Variants in CALD1 observed in about 807,000 individuals in gnomAD.
The protein encoded by CALD1 is caldesmon 1.
In CALD1, 33 loss-of-function variants were observed where a neutral mutation model predicts 99.9. The ratio of observed to expected loss-of-function variants is 0.33; its 90% CI spans 0.25 to 0.44. The LOEUF (loss-of-function observed/expected upper bound fraction) is 0.44. Among genes scored for constraint, CALD1 ranks in the 20% least tolerant of loss-of-function variants. The pLI, the probability that CALD1 is intolerant of heterozygous loss-of-function variation, is 1.00. For missense variants in CALD1, 861 were observed against 962.1 expected (o/e 0.89, Z 1.39); for synonymous variants, 310 against 325.0 (o/e 0.95, Z 0.50).
At chr7:134,867,503 A>C (rs1409799086) in intron 2 of CALD1, among the ~76,000 whole-genome samples, 190 bp from the exon 3 acceptor site, 2 of 152,202 alleles carry the variant, frequency 1.3e-5, no homozygotes, top group Non-Finnish European at 2.9e-5. Context: ...ATTTGTCTCT[A>C]GGAGATTCAT....
In CALD1 at chr7:134,934,019, G is replaced by A; in HGVS notation, c.1250G>A (p.Trp417Ter). 1 of 1,613,154 alleles carries A rather than the reference G, an allele frequency of 6.2e-7. No homozygotes were observed. The highest frequency in any genetic ancestry group is 2.2e-5 in the East Asian group (1 of 44,870). ...GTAGAACAGAAAATAGAAGGGAAAT[G>A]GGTAAATGAAAAGAAAGCACAAGAA... is the stretch of plus-strand genomic sequence containing the variant. Reference protein sequence around the residue: ...EKVEQKIEGKWVNEKKAQEDK... With the variant: ...EKVEQKIEGK The change falls in exon 5 of 15, where the codon TGG becomes TAG. Residue 417 changes from tryptophan to a stop codon, truncating the protein, a stop_gained. Transcript: ENST00000361675. LOFTEE classifies it high-confidence loss of function.
Position 134,958,199 on chromosome 7 carries a change from AC to A in CALD1, c.1980-9del. ...CTCATATTTTTATATGTATGTGTTT[AC>A]TTTTTTAGCAGTGGTGTCAAATCGA... On this transcript the variant is annotated splice_polypyrimidine_tract_variant and intron_variant, in intron 10 of 14. Coordinates refer to ENST00000361675, the MANE Select transcript of CALD1 (RefSeq NM_033138.4). The A allele has an allele frequency of 6.2e-7, 1 of 1,613,604 alleles. No homozygotes were observed. Among genetic ancestry groups the A allele is most frequent in the Non-Finnish European group, 8.5e-7 (1 of 1,179,600 alleles).
intron 1 of CALD1, among the ~76,000 whole-genome samples, chr7:134,817,160 G>A (rs2131974169): frequency 6.6e-6 from 1 of 152,120 alleles, no homozygotes; most frequent in Middle Eastern, 3.4e-3. Context: ...TGCAAGGTAG[G>A]CAAGCTTGCT....
chr7:134,965,552 A>G, intron 14 of CALD1, 166 bp downstream of exon 14: 1 of 533,556 alleles, frequency 1.9e-6, no homozygotes, highest in East Asian at 3.1e-5. Flanking sequence ...TGAAAAGCGC[A>G]TTGCAAGTTT....
In CALD1 at chr7:134,933,643, C is replaced by A. The variant is rs142006920; in HGVS notation, c.874C>A (p.Arg292=). Residue 292 remains arginine, a synonymous_variant, in exon 5 of 15, where the codon CGA becomes AGA. Coordinates refer to ENST00000361675, the MANE Select transcript of CALD1 (RefSeq NM_033138.4). ...GCAAGACAAAAAGATAGCAGATGAACGAGCAAGAATTGAAGCAGAAGAAAA... is the reference window on the plus strand; with the variant it reads ...GCAAGACAAAAAGATAGCAGATGAAAGAGCAAGAATTGAAGCAGAAGAAAA... ...AEQDKKIADE[R]ARIEAEEKAA... is the part of the protein sequence containing the mutation. 2 of 1,607,382 alleles carry A rather than the reference C, an allele frequency of 1.2e-6. No individual in the cohort carries two copies. Among genetic ancestry groups the A allele is most frequent in the African/African-American group, 2.7e-5 (2 of 74,488 alleles).
intron 3 of CALD1, among the ~76,000 whole-genome samples, chr7:134,875,779 T>G (rs536605492): frequency 1.3e-5 from 2 of 152,252 alleles, no homozygotes; most frequent in Non-Finnish European, 2.9e-5. Context: ...TTTTTTATGC[T>G]TCTTCAGGTA....
At chr7:134,829,161 C>A (rs1482582964) in intron 1 of CALD1, among the ~76,000 whole-genome samples, 8 of 152,266 alleles carry the variant, frequency 5.3e-5, no homozygotes, top group African/African-American at 1.7e-4. Flanking sequence ...AGATTTCAGT[C>A]TAGTAGAAAA....
intron 3 of CALD1, chr7:134,891,528 T>C (rs1802168165): frequency 6.6e-7 from 1 of 1,518,394 alleles, no homozygotes; most frequent in Admixed American, 2.2e-5. Context: ...ACAGATCACA[T>C]GGCCCCTCCG....
intron 3 of CALD1, among the ~76,000 whole-genome samples, chr7:134,898,707 G>C (rs1329551841): frequency 6.6e-6 from 1 of 152,096 alleles, no homozygotes; most frequent in African/African-American, 2.4e-5. Context: ...CCGAGTAGCT[G>C]GGATTGCAGG....
intron 6 of CALD1, among the ~76,000 whole-genome samples, chr7:134,937,238 A>T (rs1209769529): frequency 1.3e-5 from 2 of 152,198 alleles, no homozygotes. Context: ...TGAGAACTAG[A>T]AGGGCCCATC....
At chr7:134,748,004 G>C (rs995602974) in intron 1 of CALD1, among the ~76,000 whole-genome samples, 2 of 152,234 alleles carry the variant, frequency 1.3e-5, no homozygotes, top group Non-Finnish European at 2.9e-5. Context: ...TGGCAGGGCT[G>C]TCCAAGGCCA....
intron 1 of CALD1, among the ~76,000 whole-genome samples, chr7:134,823,004 A>G (rs1467782208): frequency 1.3e-5 from 2 of 152,198 alleles, no homozygotes; most frequent in East Asian, 3.9e-4. Context: ...ATTGGTGAAT[A>G]GGTCTGTAGA....
At chr7:134,943,504 C>T (rs532562250) in intron 7 of CALD1, among the ~76,000 whole-genome samples, 1 of 152,222 alleles carries the variant, frequency 6.6e-6, no homozygotes, top group Admixed American at 6.5e-5. Flanking sequence ...TAAAACATGA[C>T]ATAAAAATCT....
At chr7:134,804,639 G>A (rs944647201) in intron 1 of CALD1, among the ~76,000 whole-genome samples, 1 of 152,162 alleles carries the variant, frequency 6.6e-6, no homozygotes, top group Non-Finnish European at 1.5e-5. Context: ...GATTATCTAA[G>A]AGCATCTTGA....
chr7:134,722,417 ATTTG>A, the CALD1 span, among the ~76,000 whole-genome samples: 3,701 of 147,860 alleles, frequency 0.025, 151 homozygotes, highest in African/African-American at 0.084. Flanking sequence ...TTATTTATTT[ATTTG>A]TTTGTTTGTT....
chr7:134,735,291 C>T, the CALD1 span, among the ~76,000 whole-genome samples: 3 of 152,104 alleles, frequency 2.0e-5, no homozygotes, highest in African/African-American at 7.2e-5. Flanking sequence ...TTGAATAGCA[C>T]TTGATTCAAA....
At chr7:134,836,410 C>T (rs1325170604) in intron 1 of CALD1, among the ~76,000 whole-genome samples, 4 of 152,166 alleles carry the variant, frequency 2.6e-5, no homozygotes, top group African/African-American at 9.7e-5. Flanking sequence ...GGTAACTTAA[C>T]ATCATGCCTT....
chr7:134,960,559 T>C lies in CALD1; in HGVS notation c.2226T>C (p.Val742=), dbSNP rs1257741754. The C allele has an allele frequency of 6.2e-7, 1 of 1,613,544 alleles. No individual in the cohort carries two copies. The highest frequency in any genetic ancestry group is 8.5e-7 in the Non-Finnish European group (1 of 1,179,468). The stretch of plus-strand genomic sequence containing the variant: ...AAACTGCTGGCTTGAAGGTAGGGGT[T>C]TCTAGCCGCATCAATGAATGGCTAA... ...NKETAGLKVG[V]SSRINEWLTK... The change falls in exon 13 of 15, where the codon GTT becomes GTC. Residue 742 remains valine (V), a synonymous_variant. Transcript: ENST00000361675.
At chr7:134,751,431 C>A (rs1301642519) in intron 1 of CALD1, among the ~76,000 whole-genome samples, 1 of 152,178 alleles carries the variant, frequency 6.6e-6, no homozygotes, top group Non-Finnish European at 1.5e-5. Context: ...CCATAGGAAC[C>A]ATGTTCATAG....
Sources: allele counts gnomAD v4.1 joint callset (sites outside exome capture counted in the v4.1 genomes callset), GRCh38; gene constraint gnomAD v4.1.1; transcripts MANE v1.5; gene names NCBI Gene and HGNC (gene_info 2026-07-23, HGNC 2026-07-21).